The following INPP5E variants were observed in gnomAD, a reference collection of about 807,000 sequenced individuals.
The protein encoded by INPP5E is inositol polyphosphate-5-phosphatase E, also known as phosphatidylinositol polyphosphate 5-phosphatase type IV.
A neutral mutation model predicts 50.5 loss-of-function variants in INPP5E; 34 were observed. The observed-to-expected ratio is 0.67, with a 90% CI of 0.51 to 0.90. The LOEUF (loss-of-function observed/expected upper bound fraction) is 0.90. Among genes scored for constraint, INPP5E ranks in the 40% least tolerant of loss-of-function variants. The probability of loss-of-function intolerance (pLI) is 0.00; values close to 1 mark genes in which losing one functional copy is unlikely to be tolerated. For missense variants in INPP5E, 942 were observed against 905.5 expected (o/e 1.04, Z -0.52); for synonymous variants, 447 against 406.0 (o/e 1.10, Z -1.21).
intron 9 of INPP5E, 105 bp downstream of exon 9, chr9:136,430,172 A>G (rs2131604577): frequency 7.0e-7 from 1 of 1,435,276 alleles, no homozygotes; most frequent in Middle Eastern, 2.2e-4. Context: ...AGGTCCCAGA[A>G]CAAAGCCCCA....
chr9:136,429,733 A>G lies in INPP5E; in HGVS notation c.1877T>C (p.Ile626Thr), dbSNP rs757272800. The G allele has an allele frequency of 8.7e-6, 14 of 1,614,070 alleles. No individual in the cohort carries two copies. The South Asian group carries it at 1.3e-4, about 15-fold the overall frequency. Reference sequence around the variant, plus strand: ...ACTCTGTAGTGCTTGCTGCCTCTGAATCTCCTTCGAAATCCGTCTTTTAAT... The same window carrying G: ...ACTCTGTAGTGCTTGCTGCCTCTGAGTCTCCTTCGAAATCCGTCTTTTAAT... ...LGIKRRISKE[I>T]QRQQALQSQN... Residue 626 changes from isoleucine (I) to threonine (T), a missense_variant, in exon 10 of 10, where the codon ATT becomes ACT. By Grantham distance (89) the Ile-to-Thr change is moderately conservative (BLOSUM62 -1). Coordinates refer to ENST00000371712, the MANE Select transcript of INPP5E (RefSeq NM_019892.6).
chr9:136,438,668 C>A lies in INPP5E; in HGVS notation c.752G>T (p.Arg251Leu), dbSNP rs201792737. Reference protein sequence around the residue: ...SPLACDDCSLRSAKSSFSLLA... With the variant: ...SPLACDDCSLLSAKSSFSLLA... ...GAGGCTGAAGGAGGATTTGGCCGAG[C>A]GAAGGGAACAGTCGTCGCAGGCCAG... Residue 251 changes from arginine (R) to leucine (L), a missense_variant, in exon 1 of 10, where the codon CGC (arginine) becomes CTC (leucine). Transcript: ENST00000371712. The A allele has an allele frequency of 6.3e-7, 1 of 1,590,738 alleles. No homozygotes were observed. The highest frequency in any genetic ancestry group is 1.1e-5 in the South Asian group (1 of 88,600).
intron 1 of INPP5E, among the ~76,000 whole-genome samples, chr9:136,435,300 C>T (rs944832997): frequency 7.2e-5 from 11 of 152,148 alleles, no homozygotes; most frequent in African/African-American, 2.4e-4. Context: ...CACGGAAACG[C>T]GTCCATCTCC....
Position 136,429,780 on chromosome 9 carries a change from A to T in INPP5E, c.1830T>A (p.Asp610Glu), listed in dbSNP as rs199875003. The stretch of plus-strand genomic sequence containing the variant: ...TAATTCCTAGTAAGTACAGTTCTCT[A>T]TCAAATTTGCCAGCTGCCAACGGAA... ...DNIPLAAGKF[D>E]RELYLLGIKR... is the part of the protein sequence containing the mutation. The change falls in exon 10 of 10, where the codon GAT becomes GAA. Residue 610 changes from aspartate (D) to glutamate (E), a missense_variant. Transcript: ENST00000371712. 1.2e-6 allele frequency: 2 copies of T among 1,613,504 alleles called. No homozygotes were observed. The highest frequency in any genetic ancestry group is 3.3e-5 in the Admixed American group (2 of 60,000).
In INPP5E at chr9:136,432,563, G is replaced by C; in HGVS notation, c.1303C>G (p.Arg435Gly). The C allele has an allele frequency of 6.5e-7, 1 of 1,549,682 alleles. No homozygotes were observed. The highest frequency in any genetic ancestry group is 8.7e-7 in the Non-Finnish European group (1 of 1,146,324). Reference protein sequence around the residue: ...FTSGDGKVAERLLDYTRTVQA... With the variant: ...FTSGDGKVAEGLLDYTRTVQA... ...ACAGTCCTGGTGTAGTCCAGCAGCC[G>C]CTCCGCCACCTTCCCGTCACCTGCT... Residue 435 changes from arginine (R) to glycine (G), a missense_variant, in exon 6 of 10, where the codon CGG becomes GGG. By Grantham distance (125) the Arg-to-Gly change is moderately radical. Coordinates refer to ENST00000371712, the MANE Select transcript of INPP5E (RefSeq NM_019892.6).
Position 136,429,821 on chromosome 9 carries a change from G to A in INPP5E, c.1803-14C>T. ...GCCAACGGAATGCTGTGGAGGAGGAGGGGGCGTTAGGAGGGCACCCAGGGC... is the reference window on the plus strand; with the variant it reads ...GCCAACGGAATGCTGTGGAGGAGGAAGGGGCGTTAGGAGGGCACCCAGGGC... On this transcript the variant is annotated splice_polypyrimidine_tract_variant and intron_variant, in intron 9 of 9. Coordinates refer to ENST00000371712, the MANE Select transcript of INPP5E (RefSeq NM_019892.6). 4 of 1,612,322 alleles carry A rather than the reference G, an allele frequency of 2.5e-6. No individual in the cohort carries two copies. The highest frequency in any genetic ancestry group is 1.1e-5 in the South Asian group (1 of 91,002).
chr9:136,436,249 G>A (rs13290734), intron 1 of INPP5E: 31,697 of 152,308 alleles, frequency 0.21, 3,868 homozygotes, highest in Non-Finnish European at 0.28. Flanking sequence ...GACAGAGAGC[G>A]TTCCTGTGGG....
Position 136,431,921 on chromosome 9 carries a change from G to A in INPP5E, c.1452C>T (p.Gly484=), listed in dbSNP as rs371729050. The change falls in exon 7 of 10, where the codon GGC becomes GGT. Residue 484 remains glycine (G), a synonymous_variant. Transcript: ENST00000371712. ...GGAGGGCGTCCACGACTGTGCGCCC[G>A]CCACTCAGGCGGAAGTTGAAGTCTC... The part of the protein sequence containing the change: ...WFGDFNFRLS[G]GRTVVDALLC... The A allele has an allele frequency of 1.1e-5, 18 of 1,611,686 alleles. No individual in the cohort carries two copies. The highest frequency in any genetic ancestry group is 8.3e-5 in the Admixed American group (5 of 59,892).
At chr9:136,430,462 G>A (rs373424070) in intron 8 of INPP5E, 49 bp from the exon 9 acceptor site, 115 of 1,549,014 alleles carry the variant, frequency 7.4e-5, no homozygotes, top group African/African-American at 1.1e-4. Context: ...GTGAGGAGCC[G>A]TGGGGCGTGG....
At chr9:136,435,054 C>T (rs927798041) in intron 1 of INPP5E, among the ~76,000 whole-genome samples, 191 bp from the exon 2 acceptor site, 8 of 152,368 alleles carry the variant, frequency 5.3e-5, no homozygotes, top group Non-Finnish European at 1.2e-4. Flanking sequence ...CCTGGTTGCA[C>T]AAACACCCAG....
At position 136,438,759 on chromosome 9, in the gene INPP5E, G is replaced by A. The variant is rs1041567284; in HGVS notation, c.661C>T (p.Leu221Phe). Residue 221 changes from leucine to phenylalanine, a missense_variant, in exon 1 of 10, where the codon CTC becomes TTC. Transcript: ENST00000371712. ...CGCACCAGGAGCGGCTGCGCGCGGA[G>A]CTTGTAGTCTGCAAGATCCGAGTCG... is the stretch of plus-strand genomic sequence containing the variant. ...KVDSDLADYK[L>F]RAQPLLVRAH... 1 of 1,611,748 alleles carries A rather than the reference G, an allele frequency of 6.2e-7. No individual in the cohort carries two copies. The highest frequency in any genetic ancestry group is 8.5e-7 in the Non-Finnish European group (1 of 1,179,540).
intron 5 of INPP5E, 99 bp downstream of exon 5, chr9:136,432,857 T>A: frequency 6.8e-7 from 1 of 1,469,688 alleles, no homozygotes; most frequent in African/African-American, 1.4e-5. Context: ...GGGTGGAAGA[T>A]GAAGCCAGCG....
chr9:136,433,562 G>C (rs750317623), intron 3 of INPP5E, among the ~76,000 whole-genome samples: 2 of 152,042 alleles, frequency 1.3e-5, no homozygotes, highest in African/African-American at 4.8e-5. Flanking sequence ...CAGGGAGGTG[G>C]GGCCCACCTC....
chr9:136,434,078 C>A lies in INPP5E; in HGVS notation c.993G>T (p.Gln331His), dbSNP rs555308253. 6.2e-6 allele frequency: 10 copies of A among 1,611,214 alleles called. No individual in the cohort carries two copies. In the African/African-American group the frequency reaches 9.3e-5, roughly 15 times the overall value. ...CCTGGACCCCGATGACATACAGGTCCTGGGCATAGTCGGCCTCGGCTGGGA... is the reference window on the plus strand; with the variant it reads ...CCTGGACCCCGATGACATACAGGTCATGGGCATAGTCGGCCTCGGCTGGGA... ...FLLPAEADYA[Q>H]DLYVIGVQEG... The change falls in exon 3 of 10, where the codon CAG becomes CAT. Residue 331 changes from glutamine to histidine, a missense_variant. By Grantham distance (24) the Gln-to-His change is conservative. Coordinates refer to ENST00000371712, the MANE Select transcript of INPP5E (RefSeq NM_019892.6).
Position 136,439,009 on chromosome 9 carries a change from C to G in INPP5E, c.411G>C (p.Leu137Phe). The G allele has an allele frequency of 6.3e-7, 1 of 1,587,350 alleles. No individual in the cohort carries two copies. The highest frequency in any genetic ancestry group is 8.6e-7 in the Non-Finnish European group (1 of 1,167,684). Reference sequence around the variant, plus strand: ...CCCCGCGGGACTTGGGGATTTCCTGCAAGGAGGTGCTCAGGCAGGGCGGGG... The same window carrying G: ...CCCCGCGGGACTTGGGGATTTCCTGGAAGGAGGTGCTCAGGCAGGGCGGGG... Reference protein sequence around the residue: ...SCSPPCLSTSLQEIPKSRGVL... With the variant: ...SCSPPCLSTSFQEIPKSRGVL... The change falls in exon 1 of 10, where the codon TTG becomes TTC. Residue 137 changes from leucine to phenylalanine, a missense_variant. Physicochemically the swap from Leu to Phe is conservative, Grantham distance 22. Transcript: ENST00000371712.
Position 136,439,444 on chromosome 9 carries a change from TC to T in INPP5E, c.-26del. 1 of 1,429,298 alleles carries T rather than the reference TC, an allele frequency of 7.0e-7. No individual in the cohort carries two copies. Among genetic ancestry groups the T allele is most frequent in the Non-Finnish European group, 9.1e-7 (1 of 1,093,028 alleles). 88.5% of individuals were successfully genotyped at this position (1,429,298 alleles called of 1,614,324 possible). A position where few individuals can be genotyped will look rare whatever the true frequency, so the allele number is the denominator to read the frequency against. On this transcript the variant is annotated 5_prime_UTR_variant, in exon 1 of 10. Transcript: ENST00000371712. The stretch of plus-strand genomic sequence containing the variant: ...TGGACGGTCTCTCCCGGGGCAGGCC[TC>T]GGCGCGAGGCCGCAGGCAGCGCGAG...
At position 136,429,687 on chromosome 9, in the gene INPP5E, G is replaced by A; in HGVS notation, c.1923C>T (p.Cys641=). 6.2e-7 allele frequency: 1 copy of A among 1,614,102 alleles called. No individual in the cohort carries two copies. Among genetic ancestry groups the A allele is most frequent in the South Asian group, 1.1e-5 (1 of 91,088 alleles). The part of the protein sequence containing the change: ...ALQSQNSSTI[C]SVS Reference sequence around the variant, plus strand: ...CGTTCAGCAAACTTCAAGAAACGGAGCAGATGGTGCTGGAGTTCTGACTCT... The same window carrying A: ...CGTTCAGCAAACTTCAAGAAACGGAACAGATGGTGCTGGAGTTCTGACTCT... Residue 641 remains cysteine (C), a synonymous_variant, in exon 10 of 10, where the codon TGC becomes TGT. Transcript: ENST00000371712.
At chr9:136,435,728 C>T (rs1835814777) in intron 1 of INPP5E, 1 of 152,186 alleles carries the variant, frequency 6.6e-6, no homozygotes, top group South Asian at 2.1e-4. Flanking sequence ...GTGGGACATC[C>T]AGTGTCTGTC....
Position 136,439,796 on chromosome 9 carries a change from G to T in INPP5E, c.-377C>A, listed in dbSNP as rs1023084663. 6.6e-5 allele frequency: 11 copies of T among 165,774 alleles called. No individual in the cohort carries two copies. Among genetic ancestry groups the T allele is most frequent in the African/African-American group, 2.6e-4 (11 of 41,866 alleles). The allele number at this position is 165,774 out of a possible 1,614,324, so 10.3% of individuals were successfully genotyped here. On this transcript the variant is annotated 5_prime_UTR_variant, in exon 1 of 10. Transcript: ENST00000371712. ...TCGACCCGGTACTCGCGGAGGCCCGGCCGCCCAGAAGCGGAGTCAGCCCGG... is the reference window on the plus strand; with the variant it reads ...TCGACCCGGTACTCGCGGAGGCCCGTCCGCCCAGAAGCGGAGTCAGCCCGG...
Sources: allele counts gnomAD v4.1 joint callset (sites outside exome capture counted in the v4.1 genomes callset), GRCh38; gene constraint gnomAD v4.1.1; transcripts MANE v1.5; gene names NCBI Gene and HGNC (gene_info 2026-07-23, HGNC 2026-07-21).